Variants in BPI observed in about 807,000 individuals in gnomAD.
The protein encoded by BPI is bactericidal permeability-increasing protein.
A neutral mutation model predicts 57.6 loss-of-function variants in BPI; 48 were observed. The ratio of observed to expected loss-of-function variants is 0.83; its 90% CI spans 0.66 to 1.06. The LOEUF (loss-of-function observed/expected upper bound fraction) is 1.06. BPI is among the 50% of genes least tolerant of loss of function. The pLI is 0.00. For missense variants in BPI, 651 were observed against 609.7 expected (o/e 1.07, Z -0.71); for synonymous variants, 237 against 238.2 (o/e 0.99, Z 0.05).
At chr20:38,319,972 G>A (rs2076672741) in intron 6 of BPI, 1 of 577,384 alleles carries the variant, frequency 1.7e-6, no homozygotes, top group African/African-American at 1.9e-5. Flanking sequence ...AGGGCTGTTG[G>A]AAGAAGAGAG....
intron 1 of BPI, among the ~76,000 whole-genome samples, chr20:38,307,186 G>A (rs555854025): frequency 6.6e-6 from 1 of 152,218 alleles, no homozygotes; most frequent in East Asian, 1.9e-4. Flanking sequence ...GCGACACAGC[G>A]AGACCCTGTC....
intron 9 of BPI, among the ~76,000 whole-genome samples, chr20:38,325,252 G>A (rs2076706676): frequency 7.1e-6 from 1 of 141,250 alleles, no homozygotes. Flanking sequence ...AGGTGGATGA[G>A]GTTACTTTAG....
intron 12 of BPI, among the ~76,000 whole-genome samples, chr20:38,332,684 G>A (rs1374526315): frequency 6.6e-6 from 1 of 152,114 alleles, no homozygotes. Flanking sequence ...GTACTGACAT[G>A]GAGAAAGGGC....
intron 8 of BPI, 76 bp from the exon 9 acceptor site, chr20:38,324,698 C>G: frequency 8.0e-7 from 1 of 1,246,470 alleles, no homozygotes; most frequent in Middle Eastern, 1.9e-4. Context: ...AGCCTCTCAC[C>G]CCGATACAGA....
chr20:38,304,925 C>T (rs768895576), intron 1 of BPI, among the ~76,000 whole-genome samples: 4 of 152,196 alleles, frequency 2.6e-5, no homozygotes, highest in Non-Finnish European at 2.9e-5. Context: ...CACACACAGT[C>T]TCTTTTACCC....
chr20:38,329,371 C>T (rs929297773), intron 11 of BPI, among the ~76,000 whole-genome samples: 1 of 152,242 alleles, frequency 6.6e-6, no homozygotes, highest in African/African-American at 2.4e-5. Flanking sequence ...GGCACCAAGT[C>T]GTCCTTCTTC....
chr20:38,333,352 A>C (rs187300257), intron 12 of BPI, among the ~76,000 whole-genome samples: 3 of 152,350 alleles, frequency 2.0e-5, no homozygotes, highest in Admixed American at 1.3e-4. Flanking sequence ...CAGAAACAAA[A>C]ATGTATATAT....
At chr20:38,313,849 G>A (rs1349578019) in intron 5 of BPI, among the ~76,000 whole-genome samples, 1 of 151,594 alleles carries the variant, frequency 6.6e-6, no homozygotes, top group East Asian at 1.9e-4. Context: ...TGATGATGGT[G>A]ATGGTGAGGT....
chr20:38,335,280 C>T (rs999101876), intron 13 of BPI, among the ~76,000 whole-genome samples: 7 of 152,174 alleles, frequency 4.6e-5, no homozygotes, highest in Non-Finnish European at 1.0e-4. Flanking sequence ...CCCTATTACA[C>T]ACCACGCTCT....
intron 5 of BPI, among the ~76,000 whole-genome samples, chr20:38,315,129 C>A (rs989996247): frequency 6.6e-6 from 1 of 152,082 alleles, no homozygotes; most frequent in East Asian, 1.9e-4. Flanking sequence ...CACATTCTGG[C>A]ATTTAATCCC....
At chr20:38,310,886 T>C (rs2076618784) in intron 4 of BPI, among the ~76,000 whole-genome samples, 1 of 152,244 alleles carries the variant, frequency 6.6e-6, no homozygotes, top group Non-Finnish European at 1.5e-5. Flanking sequence ...GCACTTACTA[T>C]GTCCCAGGCT....
At chr20:38,318,527 G>C (rs190114191) in intron 6 of BPI, 51 bp downstream of exon 6, 8 of 1,584,270 alleles carry the variant, frequency 5.0e-6, no homozygotes, top group Non-Finnish European at 6.1e-6. Flanking sequence ...ATGGGAGGGG[G>C]TGAGGACGTC....
At chr20:38,318,603 G>A in intron 6 of BPI, 127 bp downstream of exon 6, 1 of 991,172 alleles carries the variant, frequency 1.0e-6, no homozygotes, top group Non-Finnish European at 1.6e-6. Context: ...AATGAGCAGA[G>A]TAGTACATTA....
intron 10 of BPI, among the ~76,000 whole-genome samples, chr20:38,326,858 C>G (rs2076716034): frequency 6.6e-6 from 1 of 152,190 alleles, no homozygotes; most frequent in Non-Finnish European, 1.5e-5. Flanking sequence ...CCCACTTGCA[C>G]TCATTTATTC....
intron 8 of BPI, 110 bp downstream of exon 8, chr20:38,324,156 T>TTGACTCTAGC: frequency 1.5e-6 from 2 of 1,306,716 alleles, no homozygotes; most frequent in Non-Finnish European, 2.1e-6. Flanking sequence ...GGTTAAAGTG[T>TTGACTCTAGC]TGACTCTAGA....
intron 5 of BPI, among the ~76,000 whole-genome samples, chr20:38,313,755 TG>T (rs2076633448): frequency 6.6e-6 from 1 of 151,280 alleles, no homozygotes; most frequent in African/African-American, 2.4e-5. Flanking sequence ...ATAATGGTGA[TG>T]GTGATGACGG....
chr20:38,317,797 C>A, intron 5 of BPI: 1 of 1,471,448 alleles, frequency 6.8e-7, no homozygotes, highest in Non-Finnish European at 9.3e-7. Flanking sequence ...AATGGAACAA[C>A]TTCCTCAGTG....
chr20:38,313,789 G>T (rs367584394), intron 5 of BPI, among the ~76,000 whole-genome samples: 1 of 138,588 alleles, frequency 7.2e-6, no homozygotes, highest in Non-Finnish European at 1.6e-5. Context: ...TGATGATGGT[G>T]ATGGTGGGGA....
chr20:38,323,936 G>A lies in BPI; in HGVS notation c.823G>A (p.Ala275Thr), dbSNP rs142882330. 5.3e-5 allele frequency: 86 copies of A among 1,614,120 alleles called. No homozygotes were observed. Among genetic ancestry groups the A allele is most frequent in the African/African-American group, 4.3e-4 (32 of 75,022 alleles). Residue 275 changes from alanine to threonine, a missense_variant, in exon 8 of 15, where the codon GCT becomes ACT. Physicochemically the swap from Ala to Thr is moderately conservative, Grantham distance 58. Transcript: ENST00000642449. ...TGCTCCACCAGTGATGGAGTTTCCC[G>A]CTGCCCATGACCGCATGGTATACCT... ...PFAPPVMEFP[A>T]AHDRMVYLGL...
Sources: allele counts gnomAD v4.1 joint callset (sites outside exome capture counted in the v4.1 genomes callset), GRCh38; gene constraint gnomAD v4.1.1; transcripts MANE v1.5; gene names NCBI Gene and HGNC (gene_info 2026-07-23, HGNC 2026-07-21).